KCTD9: variants seen among roughly 807,000 people sequenced by gnomAD.
KCTD9 encodes the protein potassium channel tetramerization domain containing 9.
Under a neutral mutation model 53.3 loss-of-function variants are expected in KCTD9, and 17 were observed. The ratio of observed to expected loss-of-function variants is 0.32; its 90% CI spans 0.22 to 0.48. The LOEUF is 0.48. KCTD9 is among the 20% of genes least tolerant of loss of function. The pLI, the probability that KCTD9 is intolerant of heterozygous loss-of-function variation, is 0.99. For synonymous variants in KCTD9, 128 were observed against 162.7 expected, an observed-to-expected ratio of 0.79 and a Z score of 1.62; for missense variants, 179 against 465.5, an observed-to-expected ratio of 0.38 and a Z score of 5.66.
In KCTD9 at chr8:25,435,407, A is replaced by G. The variant is rs779282052; in HGVS notation, c.769T>C (p.Cys257Arg). The change falls in exon 9 of 12, where the codon TGT (cysteine) becomes CGT (arginine). Residue 257 changes from cysteine (C) to arginine (R), a missense_variant. Cys to Arg is a radical substitution (Grantham distance 180). Coordinates refer to ENST00000221200, the MANE Select transcript of KCTD9 (RefSeq NM_017634.4). Reference sequence around the variant, plus strand: ...AGATCAGCTCGTTCAAGATTTGCACAGCAAAGATTTGCATGTGCAAGATTA... The same window carrying G: ...AGATCAGCTCGTTCAAGATTTGCACGGCAAAGATTTGCATGTGCAAGATTA... ...RCNLAHANLC[C>R]ANLERADLSG... The G allele has an allele frequency of 6.2e-7, 1 of 1,611,152 alleles. No individual in the cohort carries two copies. Among genetic ancestry groups the G allele is most frequent in the Non-Finnish European group, 8.5e-7 (1 of 1,178,872 alleles).
Position 25,433,373 on chromosome 8 carries a change from C to G in KCTD9, c.876G>C (p.Leu292=). Residue 292 remains leucine, a synonymous_variant, in exon 10 of 12, where the codon CTG becomes CTC. Coordinates refer to ENST00000221200, the MANE Select transcript of KCTD9 (RefSeq NM_017634.4). Reference sequence around the variant, plus strand: ...GACCAGAAGGATCCTCAAAATTACACAGTTTCAGGGATGCTCCTTCTGCAT... The same window carrying G: ...GACCAGAAGGATCCTCAAAATTACAGAGTTTCAGGGATGCTCCTTCTGCAT... ...CSNAEGASLK[L]CNFEDPSGLK... is the part of the protein sequence containing the mutation. The G allele has an allele frequency of 2.5e-6, 4 of 1,610,170 alleles. No homozygotes were observed. The highest frequency in any genetic ancestry group is 3.4e-6 in the Non-Finnish European group (4 of 1,177,850).
intron 3 of KCTD9, 145 bp downstream of exon 3, chr8:25,444,147 A>G (rs1802172107): frequency 5.5e-6 from 4 of 724,654 alleles, no homozygotes; most frequent in Non-Finnish European, 9.2e-6. Flanking sequence ...AACATACCCA[A>G]TGCAGAATCA....
At chr8:25,433,187 T>C in intron 10 of KCTD9, 143 bp downstream of exon 10, 2 of 434,514 alleles carry the variant, frequency 4.6e-6, no homozygotes, top group Non-Finnish European at 8.2e-6. Context: ...TTCTTACCAC[T>C]TTGGAAGTTC....
In KCTD9 at chr8:25,435,452, T is replaced by C; in HGVS notation, c.724A>G (p.Met242Val). 2 of 1,611,702 alleles carry C rather than the reference T, an allele frequency of 1.2e-6. No homozygotes were observed. Among genetic ancestry groups the C allele is most frequent in the Non-Finnish European group, 1.7e-6 (2 of 1,178,936 alleles). The change falls in exon 9 of 12, where the codon ATG (methionine) becomes GTG (valine). Residue 242 changes from methionine to valine, a missense_variant. Transcript: ENST00000221200. ...RLDLRYINFK[M>V]ANLSRCNLAH... ...AGATTACAGCGGCTTAAATTGGCCA[T>C]TTTGAAGTTAATGTATCGAAGGTCC...
At chr8:25,444,146 A>T in intron 3 of KCTD9, 146 bp downstream of exon 3, 1 of 718,610 alleles carries the variant, frequency 1.4e-6, no homozygotes, top group Non-Finnish European at 2.3e-6. Context: ...TAACATACCC[A>T]ATGCAGAATC....
At chr8:25,432,802 A>C in intron 10 of KCTD9, 165 bp from the exon 11 acceptor site, 1 of 189,932 alleles carries the variant, frequency 5.3e-6, no homozygotes, top group Non-Finnish European at 9.7e-6. Flanking sequence ...CTGATGAAAG[A>C]ATGCTTTCAC....
At chr8:25,440,257 A>G (rs1802095091) in intron 4 of KCTD9, among the ~76,000 whole-genome samples, 1 of 150,948 alleles carries the variant, frequency 6.6e-6, no homozygotes, top group South Asian at 2.1e-4. Context: ...ACGGGGTTTC[A>G]CCATTTTAGC....
chr8:25,438,996 A>G (rs910522674), intron 6 of KCTD9, among the ~76,000 whole-genome samples: 1 of 152,268 alleles, frequency 6.6e-6, no homozygotes, highest in Non-Finnish European at 1.5e-5. Flanking sequence ...CACTTGTGAT[A>G]GAACGTAAAT....
At chr8:25,454,652 C>CA (rs960837717) in intron 1 of KCTD9, among the ~76,000 whole-genome samples, 2 of 151,636 alleles carry the variant, frequency 1.3e-5, no homozygotes, top group Non-Finnish European at 2.9e-5. Context: ...AAAACAAAAA[C>CA]AAAAAAAACC....
intron 6 of KCTD9, among the ~76,000 whole-genome samples, chr8:25,438,634 A>G (rs886257571): frequency 6.6e-6 from 1 of 152,234 alleles, no homozygotes; most frequent in African/African-American, 2.4e-5. Context: ...CATCACATCA[A>G]CTTCAGTCAC....
chr8:25,449,850 A>G lies in KCTD9; in HGVS notation c.49-3600T>C, dbSNP rs150839497. ...AAAAAAATGAAGAAAAAAAAACACA[A>G]CTATTTTAATTCTATTAGGCTTTCC... On this transcript the variant is annotated intron_variant, in intron 1 of 11. Transcript: ENST00000221200. 4.6e-5 allele frequency among the ~76,000 whole-genome samples: 7 copies of G among 152,254 alleles called. No homozygotes were observed. In the East Asian group the frequency reaches 1.2e-3, roughly 25 times the overall value.
At chr8:25,445,907 C>T (rs1421919035) in intron 2 of KCTD9, among the ~76,000 whole-genome samples, 1 of 151,656 alleles carries the variant, frequency 6.6e-6, no homozygotes, top group Non-Finnish European at 1.5e-5. Flanking sequence ...TATATATGAA[C>T]TATGCAGAAA....
Position 25,440,686 on chromosome 8 carries a change from T to C in KCTD9, c.215-13A>G, listed in dbSNP as rs1162865982. ...TCTGTCTGAGGATCTAGAGATGACA[T>C]GTAGAAAATAATACAAATATTAAGA... On this transcript the variant is annotated splice_polypyrimidine_tract_variant and intron_variant, in intron 3 of 11. Transcript: ENST00000221200. 2.6e-6 allele frequency: 4 copies of C among 1,529,638 alleles called. No individual in the cohort carries two copies. Among genetic ancestry groups the C allele is most frequent in the East Asian group, 2.2e-5 (1 of 44,456 alleles). The allele number at this position is 1,529,638 out of a possible 1,614,324, so 94.8% of individuals were successfully genotyped here.
chr8:25,452,293 T>A (rs1444829847), intron 1 of KCTD9, among the ~76,000 whole-genome samples: 1 of 152,124 alleles, frequency 6.6e-6, no homozygotes, highest in Admixed American at 6.6e-5. Flanking sequence ...ATATCAAGTG[T>A]TGGAGTGGAT....
intron 1 of KCTD9, among the ~76,000 whole-genome samples, chr8:25,452,498 A>C (rs762915977): frequency 4.6e-5 from 7 of 152,190 alleles, no homozygotes; most frequent in Admixed American, 1.3e-4. Context: ...CATCTGAACC[A>C]CATTTCACCT....
chr8:25,432,678 A>G (rs771578146), intron 10 of KCTD9, 41 bp from the exon 11 acceptor site: 1 of 1,569,886 alleles, frequency 6.4e-7, no homozygotes, highest in East Asian at 2.3e-5. Flanking sequence ...ACTTAAAAAT[A>G]TAGTTATCTA....
At chr8:25,452,777 GT>G (rs1802352205) in intron 1 of KCTD9, among the ~76,000 whole-genome samples, 3 of 152,220 alleles carry the variant, frequency 2.0e-5, no homozygotes, top group Admixed American at 2.0e-4. Context: ...TATCATGGTA[GT>G]ATTTGTATAA....
chr8:25,440,580 G>A lies in KCTD9; in HGVS notation c.308C>T (p.Thr103Ile). The A allele has an allele frequency of 6.3e-7, 1 of 1,593,456 alleles. No homozygotes were observed. The highest frequency in any genetic ancestry group is 8.6e-7 in the Non-Finnish European group (1 of 1,161,576). The change falls in exon 4 of 12, where the codon ACA (threonine) becomes ATA (isoleucine). Residue 103 changes from threonine to isoleucine, a missense_variant. By Grantham distance (89) the Thr-to-Ile change is moderately conservative (BLOSUM62 -1). This residue lies in a region of KCTD9 where 115 missense variants were observed against 250.9 expected (regional missense o/e 0.46). Coordinates refer to ENST00000221200, the MANE Select transcript of KCTD9 (RefSeq NM_017634.4). Reference protein sequence around the residue: ...LNVGGRYFTTTRSTLVNKEPD... With the variant: ...LNVGGRYFTTIRSTLVNKEPD... ...ACACACATACACACACACCTACCGT[G>A]TAGTTGTAAAGTACCGCCCTCCAAC...
intron 1 of KCTD9, among the ~76,000 whole-genome samples, chr8:25,447,907 G>C (rs1277461236): frequency 6.6e-6 from 1 of 152,052 alleles, no homozygotes; most frequent in Admixed American, 6.6e-5. Flanking sequence ...CAGGTGGATC[G>C]CTTGAGCCCA....
Sources: allele counts gnomAD v4.1 joint callset (sites outside exome capture counted in the v4.1 genomes callset), GRCh38; gene constraint gnomAD v4.1.1; regional missense constraint gnomAD v4.1.1; transcripts MANE v1.5; gene names NCBI Gene and HGNC (gene_info 2026-07-23, HGNC 2026-07-21).